Variants in RNFT2 observed in about 807,000 individuals in gnomAD.
The protein encoded by RNFT2 is E3 ubiquitin-protein ligase RNFT2.
Under a neutral mutation model 53.0 loss-of-function variants are expected in RNFT2, and 36 were observed. That is an observed-to-expected ratio of 0.68 (90% confidence interval 0.52 to 0.90). RNFT2 has a LOEUF of 0.90. Among genes scored for constraint, RNFT2 ranks in the 40% least tolerant of loss-of-function variants. The pLI, the probability that RNFT2 is intolerant of heterozygous loss-of-function variation, is 0.00. For missense variants in RNFT2, 514 were observed against 585.6 expected (o/e 0.88, Z 1.26); for synonymous variants, 260 against 253.2 (o/e 1.03, Z -0.26).
At chr12:116,820,414 C>A (rs1406289929) in intron 7 of RNFT2, among the ~76,000 whole-genome samples, 1 of 152,216 alleles carries the variant, frequency 6.6e-6, no homozygotes, top group African/African-American at 2.4e-5. Flanking sequence ...CAGTACATCT[C>A]AATTCAGAAT....
At chr12:116,806,387 T>A (rs71469782) in intron 7 of RNFT2, among the ~76,000 whole-genome samples, 48 of 124,040 alleles carry the variant, frequency 3.9e-4, no homozygotes, top group African/African-American at 1.7e-3. Flanking sequence ...AAAAAATATA[T>A]ATATATATAT....
At chr12:116,840,375 C>T (rs1443177881) in intron 10 of RNFT2, among the ~76,000 whole-genome samples, 3 of 152,182 alleles carry the variant, frequency 2.0e-5, no homozygotes, top group African/African-American at 7.2e-5. Flanking sequence ...TCCTCAGTCA[C>T]AGAACCAGGA....
At chr12:116,818,999 T>G (rs541938189) in intron 7 of RNFT2, among the ~76,000 whole-genome samples, 1 of 152,336 alleles carries the variant, frequency 6.6e-6, no homozygotes, top group African/African-American at 2.4e-5. Context: ...AGGTCCGGGT[T>G]CCTGCGCCAC....
chr12:116,776,871 G>A (rs1273006076), intron 6 of RNFT2, among the ~76,000 whole-genome samples: 1 of 151,648 alleles, frequency 6.6e-6, no homozygotes, highest in Non-Finnish European at 1.5e-5. Context: ...CTGCAGGAAG[G>A]TGACTCCACC....
At chr12:116,769,693 C>T (rs1217118745) in intron 6 of RNFT2, among the ~76,000 whole-genome samples, 3 of 152,050 alleles carry the variant, frequency 2.0e-5, no homozygotes, top group Admixed American at 2.0e-4. Context: ...AAAAATGTTA[C>T]AGTAAGCTAA....
intron 7 of RNFT2, among the ~76,000 whole-genome samples, chr12:116,826,241 C>T (rs1876328830): frequency 6.6e-6 from 1 of 152,178 alleles, no homozygotes; most frequent in Non-Finnish European, 1.5e-5. Context: ...TCTTATTGTC[C>T]CACCCCTCAT....
At chr12:116,753,749 C>T (rs1872364267) in intron 4 of RNFT2, among the ~76,000 whole-genome samples, 1 of 152,196 alleles carries the variant, frequency 6.6e-6, no homozygotes, top group Non-Finnish European at 1.5e-5. Context: ...TGATCCAGTG[C>T]TATAAAGTAT....
chr12:116,751,149 C>T (rs538921301), intron 4 of RNFT2, among the ~76,000 whole-genome samples: 5 of 151,002 alleles, frequency 3.3e-5, no homozygotes, highest in Admixed American at 3.3e-4. Flanking sequence ...TTCCTGGGCT[C>T]AAGCAATCCT....
intron 7 of RNFT2, among the ~76,000 whole-genome samples, chr12:116,806,283 T>C (rs1875046801): frequency 6.6e-6 from 1 of 151,478 alleles, no homozygotes; most frequent in South Asian, 2.1e-4. Context: ...GGCATGAGAA[T>C]AGCTTGAACC....
chr12:116,759,899 G>A (rs977534032), intron 5 of RNFT2, among the ~76,000 whole-genome samples: 10 of 152,146 alleles, frequency 6.6e-5, no homozygotes, highest in Admixed American at 4.6e-4. Context: ...CGAGGAACCC[G>A]TGGAGCTCTA....
At chr12:116,832,144 A>T (rs1296415184) in intron 7 of RNFT2, among the ~76,000 whole-genome samples, 665 of 51,980 alleles carry the variant, frequency 0.013, 3 homozygotes, top group African/African-American at 0.023. Context: ...AAAAAAAAAA[A>T]AAAAATATAT....
intron 7 of RNFT2, among the ~76,000 whole-genome samples, chr12:116,803,615 G>A (rs916166010): frequency 6.6e-6 from 1 of 152,174 alleles, no homozygotes; most frequent in Non-Finnish European, 1.5e-5. Context: ...ATTCTTTTCA[G>A]CTCATCAGAG....
chr12:116,739,731 A>G (rs1592930850), intron 1 of RNFT2, among the ~76,000 whole-genome samples: 1 of 152,184 alleles, frequency 6.6e-6, no homozygotes, highest in Non-Finnish European at 1.5e-5. Context: ...AAAAGGGAGA[A>G]TGGGAGGAAA....
chr12:116,778,558 C>T (rs1454815191), intron 6 of RNFT2, among the ~76,000 whole-genome samples: 3 of 152,240 alleles, frequency 2.0e-5, no homozygotes, highest in Admixed American at 1.3e-4. Context: ...CTAAATAAAA[C>T]TCTTTCCTCT....
intron 5 of RNFT2, among the ~76,000 whole-genome samples, chr12:116,761,628 G>A (rs1320482252): frequency 6.6e-6 from 1 of 152,220 alleles, no homozygotes; most frequent in Non-Finnish European, 1.5e-5. Flanking sequence ...AGCAACCTGG[G>A]AGGGAAACAA....
intron 10 of RNFT2, among the ~76,000 whole-genome samples, chr12:116,841,896 T>TATATATAAAA (rs1565876193): frequency 4.9e-5 from 1 of 20,398 alleles, no homozygotes; most frequent in Non-Finnish European, 1.2e-4. Context: ...TATATAAAAA[T>TATATATAAAA]ATATATATAT....
chr12:116,768,866 G>C (rs1418940161), intron 6 of RNFT2, among the ~76,000 whole-genome samples: 1 of 151,688 alleles, frequency 6.6e-6, no homozygotes, highest in Non-Finnish European at 1.5e-5. Flanking sequence ...AAATAGCTGG[G>C]ATTACAGGTG....
At chr12:116,839,148 C>G (rs11615937) in intron 10 of RNFT2, among the ~76,000 whole-genome samples, 1 of 152,216 alleles carries the variant, frequency 6.6e-6, no homozygotes, top group African/African-American at 2.4e-5. Flanking sequence ...CTACTTAGCA[C>G]TTATTCCAAT....
At chr12:116,748,349 A>G (rs1566068229) in intron 3 of RNFT2, among the ~76,000 whole-genome samples, 2 of 152,196 alleles carry the variant, frequency 1.3e-5, no homozygotes, top group Non-Finnish European at 2.9e-5. Flanking sequence ...TGCAAGAGCT[A>G]CAGAATCCTT....
Sources: allele counts gnomAD v4.1 joint callset (sites outside exome capture counted in the v4.1 genomes callset), GRCh38; gene constraint gnomAD v4.1.1; transcripts MANE v1.5; gene names NCBI Gene and HGNC (gene_info 2026-07-23, HGNC 2026-07-21).